Variants in SLC71A2 observed in about 807,000 individuals in gnomAD.
SLC71A2 encodes solute carrier family 71 member 2.
the SLC71A2 span, among the ~76,000 whole-genome samples, chr9:94,414,622 C>T: frequency 1.7e-3 from 266 of 152,232 alleles, 12 homozygotes; most frequent in Non-Finnish European, 1.4e-3. Context: ...TCTACTAAAG[C>T]TCCAGTGATT....
chr9:94,404,404 T>TAAGA, the SLC71A2 span, among the ~76,000 whole-genome samples: 11 of 152,246 alleles, frequency 7.2e-5, no homozygotes, highest in African/African-American at 2.6e-4. Context: ...CAAGCAGTTC[T>TAAGA]TCTGCTTCAG....
chr9:94,459,591 C>G, the SLC71A2 span: 24 of 565,472 alleles, frequency 4.2e-5, no homozygotes, highest in Non-Finnish European at 6.0e-5. Flanking sequence ...TTTTCTCTTA[C>G]ATTCTTTTTT....
At chr9:94,460,925 TTG>T in the SLC71A2 span, 4 of 135,942 alleles carry the variant, frequency 2.9e-5, no homozygotes, top group Middle Eastern at 3.4e-3. Flanking sequence ...CTTTTATGTC[TTG>T]TGTCTTTTTT....
At chr9:94,383,942 A>T in the SLC71A2 span, among the ~76,000 whole-genome samples, 10 of 152,258 alleles carry the variant, frequency 6.6e-5, no homozygotes, top group Non-Finnish European at 1.2e-4. Flanking sequence ...TTAAATTCAC[A>T]ATTGTTTGTT....
At chr9:94,400,760 G>C in the SLC71A2 span, among the ~76,000 whole-genome samples, 1 of 152,038 alleles carries the variant, frequency 6.6e-6, no homozygotes, top group Admixed American at 6.6e-5. Flanking sequence ...GCTCACTCTT[G>C]TTCTCTGAAG....
the SLC71A2 span, among the ~76,000 whole-genome samples, chr9:94,375,350 C>A: frequency 6.6e-6 from 1 of 151,800 alleles, no homozygotes; most frequent in East Asian, 1.9e-4. Context: ...CGTGTTCTCC[C>A]GGCGTCGGAG....
the SLC71A2 span, among the ~76,000 whole-genome samples, chr9:94,420,289 C>T: frequency 6.6e-6 from 1 of 152,210 alleles, no homozygotes; most frequent in Admixed American, 6.5e-5. Context: ...GACAACACTC[C>T]AAATCCAACG....
the SLC71A2 span, among the ~76,000 whole-genome samples, chr9:94,430,658 G>T: frequency 2.6e-5 from 4 of 152,082 alleles, no homozygotes; most frequent in African/African-American, 9.7e-5. Context: ...ACCGGCTGAA[G>T]ATTCATTTGA....
chr9:94,374,749 G>A, the SLC71A2 span: 189 of 211,316 alleles, frequency 8.9e-4, 1 homozygote, highest in Non-Finnish European at 2.8e-4. Context: ...GAGGGCGCGG[G>A]CACCGCCGCC....
At chr9:94,419,321 G>T in the SLC71A2 span, among the ~76,000 whole-genome samples, 8 of 138,728 alleles carry the variant, frequency 5.8e-5, no homozygotes, top group Admixed American at 5.5e-4. Context: ...TTTTGAGACA[G>T]TCTCTCTCTG....
the SLC71A2 span, among the ~76,000 whole-genome samples, chr9:94,450,711 G>A: frequency 1.3e-5 from 2 of 151,938 alleles, no homozygotes; most frequent in Non-Finnish European, 2.9e-5. Flanking sequence ...GGCTGGTCTC[G>A]AACTGCTGAC....
At chr9:94,392,689 C>T in the SLC71A2 span, among the ~76,000 whole-genome samples, 7 of 152,040 alleles carry the variant, frequency 4.6e-5, no homozygotes, top group African/African-American at 1.2e-4. Context: ...TTAGTAGAGA[C>T]GGGGTTTCAC....
the SLC71A2 span, among the ~76,000 whole-genome samples, chr9:94,453,184 C>T: frequency 4.9e-5 from 7 of 142,480 alleles, no homozygotes; most frequent in African/African-American, 1.6e-4. Context: ...GAGTCTCGCT[C>T]TGTCACCCAG....
the SLC71A2 span, among the ~76,000 whole-genome samples, chr9:94,424,918 T>TA: frequency 2.7e-5 from 4 of 148,014 alleles, no homozygotes; most frequent in South Asian, 2.1e-4. Context: ...TTTTTTTTTT[T>TA]AAATAATAAA....
chr9:94,449,922 T>C, the SLC71A2 span, among the ~76,000 whole-genome samples: 4 of 152,210 alleles, frequency 2.6e-5, no homozygotes, highest in African/African-American at 4.8e-5. Flanking sequence ...ACAACATAGG[T>C]GAACCTTGAC....
At chr9:94,403,092 A>G in the SLC71A2 span, among the ~76,000 whole-genome samples, 1 of 152,134 alleles carries the variant, frequency 6.6e-6, no homozygotes, top group Non-Finnish European at 1.5e-5. Context: ...GGTACCTCAT[A>G]TAAGTGAAAT....
chr9:94,415,174 G>C, the SLC71A2 span: 26 of 1,613,490 alleles, frequency 1.6e-5, 1 homozygote, highest in South Asian at 1.5e-4. Context: ...GGCTTTGGCC[G>C]ACCAAGTGTG....
the SLC71A2 span, among the ~76,000 whole-genome samples, chr9:94,428,170 C>T: frequency 2.7e-5 from 4 of 150,208 alleles, no homozygotes; most frequent in African/African-American, 7.3e-5. Context: ...TTTAAAAATA[C>T]GTTTTTGTTT....
the SLC71A2 span, among the ~76,000 whole-genome samples, chr9:94,448,984 T>A: frequency 6.6e-6 from 1 of 152,278 alleles, no homozygotes; most frequent in East Asian, 1.9e-4. Context: ...TGCTAGAGAT[T>A]TAGAGGGAAG....
Sources: gnomAD v4.1 joint callset for allele counts (sites outside exome capture counted in the v4.1 genomes callset) on GRCh38, gnomAD v4.1.1 for gene constraint, MANE v1.5 for transcripts, NCBI Gene and HGNC (gene_info 2026-07-23, HGNC 2026-07-21) for gene names.